TASP1: variants seen among roughly 807,000 people sequenced by gnomAD.
The protein encoded by TASP1 is threonine aspartase 1.
In TASP1, 16 loss-of-function variants were observed where a neutral mutation model predicts 56.6. The ratio of observed to expected loss-of-function variants is 0.28; its 90% CI spans 0.19 to 0.43. The LOEUF (loss-of-function observed/expected upper bound fraction) is 0.43. Ranked by LOEUF, TASP1 falls within the 20% of genes least tolerant of loss-of-function variation. The pLI, the probability that TASP1 is intolerant of heterozygous loss-of-function variation, is 1.00. For missense variants in TASP1, 393 were observed against 511.6 expected (o/e 0.77, Z 2.24); for synonymous variants, 179 against 184.2 (o/e 0.97, Z 0.23).
chr20:13,623,487 G>C lies in TASP1; in HGVS notation c.241C>G (p.Leu81Val). 4 of 1,608,708 alleles carry C rather than the reference G, an allele frequency of 2.5e-6. No homozygotes were observed. Among genetic ancestry groups the C allele is most frequent in the Non-Finnish European group, 3.4e-6 (4 of 1,175,422 alleles). ...KAIEKLQAGALATDAVTAALV... is the reference protein window; with the variant it reads ...KAIEKLQAGAVATDAVTAALV... ...GCTGCAGTGACTGCGTCAGTTGCAA[G>C]AGCACCGGCCTGCAGCTTTTCAATT... Residue 81 changes from leucine (L) to valine (V), a missense_variant, in exon 4 of 14, where the codon CTT (leucine) becomes GTT (valine). Coordinates refer to ENST00000337743, the MANE Select transcript of TASP1 (RefSeq NM_017714.3).
At chr20:13,332,359 T>C in the TASP1 span, among the ~76,000 whole-genome samples, 1 of 152,186 alleles carries the variant, frequency 6.6e-6, no homozygotes, top group Non-Finnish European at 1.5e-5. Context: ...TCTTGACTTG[T>C]CATCATGTTG....
chr20:13,404,498 T>G (rs1420788463), intron 13 of TASP1, among the ~76,000 whole-genome samples: 1 of 152,106 alleles, frequency 6.6e-6, no homozygotes, highest in Non-Finnish European at 1.5e-5. Flanking sequence ...CTTAGCTACT[T>G]GGGGAGCTGA....
intron 11 of TASP1, among the ~76,000 whole-genome samples, chr20:13,468,882 G>A (rs1418492456): frequency 1.4e-5 from 2 of 143,068 alleles, no homozygotes; most frequent in South Asian, 2.2e-4. Flanking sequence ...TTTTTTGCAT[G>A]AGATGAAACA....
At chr20:13,628,764 C>T (rs543610131) in intron 2 of TASP1, among the ~76,000 whole-genome samples, 118 of 152,282 alleles carry the variant, frequency 7.7e-4, no homozygotes, top group Non-Finnish European at 1.3e-3. Flanking sequence ...GGAAAGTAGA[C>T]TCTGAATACA....
the TASP1 span, among the ~76,000 whole-genome samples, chr20:13,360,311 G>T: frequency 1.1e-4 from 16 of 142,380 alleles, no homozygotes; most frequent in Non-Finnish European, 1.8e-4. Context: ...CTGTACTGCC[G>T]CAAAGCTTCA....
the TASP1 span, among the ~76,000 whole-genome samples, chr20:13,318,136 A>AAAATAAATAAATAAAT: frequency 0.2 from 28,841 of 144,904 alleles, 3,169 homozygotes; most frequent in Admixed American, 0.31. Flanking sequence ...GACACTTGAA[A>AAAATAAATAAATAAAT]AAATAAATAA....
At chr20:13,418,108 C>T (rs936222081) in intron 12 of TASP1, among the ~76,000 whole-genome samples, 1 of 152,134 alleles carries the variant, frequency 6.6e-6, no homozygotes, top group African/African-American at 2.4e-5. Context: ...GACGGGGTTT[C>T]ACCATGTTGG....
At chr20:13,311,486 C>T in the TASP1 span, among the ~76,000 whole-genome samples, 4 of 152,150 alleles carry the variant, frequency 2.6e-5, no homozygotes, top group African/African-American at 9.7e-5. Flanking sequence ...TCTGCATCTT[C>T]ATGTTCATTG....
chr20:13,337,637 T>C, the TASP1 span, among the ~76,000 whole-genome samples: 48 of 152,240 alleles, frequency 3.2e-4, no homozygotes, highest in South Asian at 9.8e-3. Flanking sequence ...ATCAGACAGG[T>C]TCTATTAACT....
At chr20:13,105,606 C>G in the TASP1 span, among the ~76,000 whole-genome samples, 1 of 152,088 alleles carries the variant, frequency 6.6e-6, no homozygotes, top group Non-Finnish European at 1.5e-5. Flanking sequence ...AACACAGTGG[C>G]CTCTGAATTT....
At position 13,621,602 on chromosome 20, in the gene TASP1, C is replaced by G. The variant is rs138903285; in HGVS notation, c.282+1844G>C. On this transcript the variant is annotated intron_variant, in intron 4 of 13. Transcript: ENST00000337743. ...TCATATCCACATTCTTAAAAAAACACAAGTTATCCGAAACTGTAAGTCCAC... is the reference window on the plus strand; with the variant it reads ...TCATATCCACATTCTTAAAAAAACAGAAGTTATCCGAAACTGTAAGTCCAC... 7.7e-4 allele frequency among the ~76,000 whole-genome samples: 117 copies of G among 151,946 alleles called. 1 individual carries two copies. In the East Asian group the frequency reaches 0.02, roughly 26 times the overall value.
At chr20:13,273,003 G>T in the TASP1 span, among the ~76,000 whole-genome samples, 1 of 152,190 alleles carries the variant, frequency 6.6e-6, no homozygotes, top group African/African-American at 2.4e-5. Context: ...CAGTGTAATT[G>T]ATTTAAGAAT....
At chr20:13,125,002 T>C in the TASP1 span, among the ~76,000 whole-genome samples, 1 of 152,230 alleles carries the variant, frequency 6.6e-6, no homozygotes, top group Admixed American at 6.5e-5. Context: ...AGAGAAGGCA[T>C]CTGATCCTTT....
chr20:13,623,540 T>C, intron 3 of TASP1, 26 bp from the exon 4 acceptor site: 1 of 1,490,032 alleles, frequency 6.7e-7, no homozygotes, highest in Non-Finnish European at 9.3e-7. Context: ...GAGAGATTAT[T>C]CATTGCAAAA....
At chr20:13,615,320 C>T (rs1237089190) in intron 4 of TASP1, among the ~76,000 whole-genome samples, 1 of 152,126 alleles carries the variant, frequency 6.6e-6, no homozygotes, top group Admixed American at 6.5e-5. Flanking sequence ...GTGAGAATGA[C>T]TGCCAGTAAA....
At chr20:13,110,212 C>G in the TASP1 span, 1 of 1,613,188 alleles carries the variant, frequency 6.2e-7, no homozygotes, top group Non-Finnish European at 8.5e-7. Flanking sequence ...TGGAGGGTGT[C>G]TACAGGTATG....
At chr20:13,471,871 C>T (rs1436085129) in intron 11 of TASP1, among the ~76,000 whole-genome samples, 12 of 152,128 alleles carry the variant, frequency 7.9e-5, no homozygotes, top group Non-Finnish European at 7.4e-5. Flanking sequence ...GGTGCGGCAT[C>T]GCCTCATCCA....
intron 11 of TASP1, among the ~76,000 whole-genome samples, chr20:13,450,909 G>A (rs957017836): frequency 1.3e-5 from 2 of 151,942 alleles, no homozygotes; most frequent in African/African-American, 4.8e-5. Context: ...ACTTGTCCCC[G>A]GTTCATCAGA....
At chr20:13,499,229 T>C (rs1330551617) in intron 10 of TASP1, among the ~76,000 whole-genome samples, 1 of 152,132 alleles carries the variant, frequency 6.6e-6, no homozygotes, top group Non-Finnish European at 1.5e-5. Flanking sequence ...AAATACCACA[T>C]GTTCACACCT....
Sources: gnomAD v4.1 joint callset for allele counts (sites outside exome capture counted in the v4.1 genomes callset) on GRCh38, gnomAD v4.1.1 for gene constraint, MANE v1.5 for transcripts, NCBI Gene and HGNC (gene_info 2026-07-23, HGNC 2026-07-21) for gene names.